MBD5: variants seen among roughly 807,000 people sequenced by gnomAD.
MBD5 encodes methyl-CpG binding domain protein 5, also known as methyl-CpG-binding domain protein 5.
MBD5 carries 13 observed loss-of-function variants against 117.3 expected under a neutral mutation model. The observed-to-expected ratio is 0.11, with a 90% CI of 0.07 to 0.18. The LOEUF is 0.18. Ranked by LOEUF, MBD5 falls within the 10% of genes least tolerant of loss-of-function variation. The pLI is 1.00. For synonymous variants in MBD5, 727 were observed against 766.4 expected, an observed-to-expected ratio of 0.95 and a Z score of 0.85; for missense variants, 1,879 against 2,093.8, an observed-to-expected ratio of 0.90 and a Z score of 2.00.
chr2:148,063,199 C>G (rs1200671411), intron 1 of MBD5, among the ~76,000 whole-genome samples: 1 of 152,068 alleles, frequency 6.6e-6, no homozygotes, highest in Non-Finnish European at 1.5e-5. Context: ...GGGTTGAGTA[C>G]CAATGCAGCT....
chr2:148,070,088 C>T (rs990718089), intron 1 of MBD5, among the ~76,000 whole-genome samples: 5 of 152,174 alleles, frequency 3.3e-5, no homozygotes, highest in Non-Finnish European at 7.3e-5. Context: ...TCTCTTCATC[C>T]TCTCCATTCC....
chr2:148,315,633 A>G (rs879441067), intron 3 of MBD5, among the ~76,000 whole-genome samples: 16 of 152,114 alleles, frequency 1.1e-4, no homozygotes, highest in Admixed American at 1.0e-3. Context: ...CCCCAGTCCA[A>G]CCTTCCCATC....
intron 7 of MBD5, among the ~76,000 whole-genome samples, chr2:148,467,431 T>C (rs1233141995): frequency 5.9e-5 from 9 of 152,068 alleles, no homozygotes; most frequent in African/African-American, 1.9e-4. Context: ...GAATATGCAA[T>C]TGGAGCCCAG....
Position 148,483,304 on chromosome 2 carries a change from A to T in MBD5, c.2713A>T (p.Thr905Ser). 1.2e-6 allele frequency: 2 copies of T among 1,613,974 alleles called. No individual in the cohort carries two copies. Among genetic ancestry groups the T allele is most frequent in the South Asian group, 1.1e-5 (1 of 91,066 alleles). ...EHALHFPSNS[T>S]SNNHLPHPLN... ...CGCACTTCATTTTCCATCCAACAGC[A>T]CTTCAAACAACCATCTTCCACACCC... is the stretch of plus-strand genomic sequence containing the variant. Residue 905 changes from threonine (T) to serine (S), a missense_variant, in exon 9 of 14, where the codon ACT becomes TCT. Physicochemically the swap from Thr to Ser is moderately conservative, Grantham distance 58 (BLOSUM62 1). This residue lies in a region of MBD5 where 1,666 missense variants were observed against 1,792.2 expected (regional missense o/e 0.93). Transcript: ENST00000642680.
At chr2:148,441,293 C>T (rs1215726134) in intron 4 of MBD5, among the ~76,000 whole-genome samples, 1 of 152,052 alleles carries the variant, frequency 6.6e-6, no homozygotes, top group Non-Finnish European at 1.5e-5. Context: ...GTGTGATGTT[C>T]CCCTTACTGT....
At chr2:148,084,795 G>A (rs1011565119) in intron 1 of MBD5, among the ~76,000 whole-genome samples, 1 of 152,118 alleles carries the variant, frequency 6.6e-6, no homozygotes, top group Non-Finnish European at 1.5e-5. Flanking sequence ...TTTAGTGATG[G>A]CTGGTTTTTA....
intron 4 of MBD5, among the ~76,000 whole-genome samples, chr2:148,419,378 T>G (rs1379889585): frequency 6.6e-6 from 1 of 152,160 alleles, no homozygotes; most frequent in Non-Finnish European, 1.5e-5. Flanking sequence ...ACACAAATTC[T>G]TCTATATTTT....
intron 1 of MBD5, among the ~76,000 whole-genome samples, chr2:148,076,026 T>C (rs747545927): frequency 1.2e-4 from 18 of 152,216 alleles, no homozygotes; most frequent in Non-Finnish European, 2.5e-4. Flanking sequence ...GTATAGTTAT[T>C]TTCTTAATTT....
chr2:148,217,480 C>T (rs143063651), intron 2 of MBD5, among the ~76,000 whole-genome samples: 155 of 152,290 alleles, frequency 1.0e-3, no homozygotes, highest in African/African-American at 1.8e-3. Flanking sequence ...GGGCTTTGAG[C>T]GCTGGGCAAC....
chr2:148,480,002 T>A (rs1291276183), intron 8 of MBD5, among the ~76,000 whole-genome samples: 1 of 152,218 alleles, frequency 6.6e-6, no homozygotes, highest in East Asian at 1.9e-4. Flanking sequence ...TCTGTGTTTC[T>A]TTCTTTACCT....
chr2:148,055,956 G>A (rs1298656392), intron 1 of MBD5: 1 of 152,058 alleles, frequency 6.6e-6, no homozygotes, highest in Admixed American at 6.6e-5. Context: ...AATCAGTTTG[G>A]CATGTTCTAT....
chr2:148,267,149 G>A (rs1304388949), intron 3 of MBD5, among the ~76,000 whole-genome samples: 3 of 152,120 alleles, frequency 2.0e-5, no homozygotes, highest in African/African-American at 7.2e-5. Context: ...GAGATATGCA[G>A]GCTTTGACAT....
chr2:148,421,642 A>G (rs1242308444), intron 4 of MBD5, among the ~76,000 whole-genome samples: 2 of 151,928 alleles, frequency 1.3e-5, no homozygotes, highest in Non-Finnish European at 2.9e-5. Context: ...GGCTCGGCGG[A>G]TCCCACCCCC....
intron 4 of MBD5, among the ~76,000 whole-genome samples, chr2:148,377,901 G>A (rs1284451806): frequency 2.0e-5 from 3 of 152,130 alleles, no homozygotes; most frequent in Admixed American, 2.0e-4. Flanking sequence ...TTGGTTAGTT[G>A]GGTGAGTACA....
At chr2:148,290,637 C>T (rs189927373) in intron 3 of MBD5, among the ~76,000 whole-genome samples, 70 of 152,196 alleles carry the variant, frequency 4.6e-4, no homozygotes, top group African/African-American at 1.5e-3. Flanking sequence ...TCTTCATTTC[C>T]TTTTACTCAG....
At chr2:148,111,390 A>G (rs1046826497) in intron 1 of MBD5, among the ~76,000 whole-genome samples, 4 of 152,132 alleles carry the variant, frequency 2.6e-5, no homozygotes, top group African/African-American at 7.2e-5. Flanking sequence ...CTGCAAAACT[A>G]CTGACCTGCA....
intron 2 of MBD5, among the ~76,000 whole-genome samples, chr2:148,183,264 G>A (rs1452289170): frequency 9.9e-5 from 15 of 151,874 alleles, no homozygotes; most frequent in Non-Finnish European, 1.0e-4. Context: ...AACTCCAGGA[G>A]ATTTTCCCCT....
chr2:148,210,259 C>T (rs1699387282), intron 2 of MBD5, among the ~76,000 whole-genome samples: 1 of 152,112 alleles, frequency 6.6e-6, no homozygotes, highest in Admixed American at 6.5e-5. Context: ...AAACCAGTTG[C>T]TACTACTAAA....
chr2:148,281,970 A>ATTCTATTCTATAAT (rs1701258574), intron 3 of MBD5, among the ~76,000 whole-genome samples: 1 of 152,150 alleles, frequency 6.6e-6, no homozygotes, highest in Non-Finnish European at 1.5e-5. Flanking sequence ...CCAGACTTGG[A>ATTCTATTCTATAAT]GCTTAACTAT....
Sources: gnomAD v4.1 joint callset for allele counts (sites outside exome capture counted in the v4.1 genomes callset) on GRCh38, gnomAD v4.1.1 for gene constraint, gnomAD v4.1.1 regional missense constraint, MANE v1.5 for transcripts, NCBI Gene and HGNC (gene_info 2026-07-23, HGNC 2026-07-21) for gene names.